ATRN: variants seen among roughly 807,000 people sequenced by gnomAD.
ATRN encodes attractin, also known as attractin-2.
A neutral mutation model predicts 178.7 loss-of-function variants in ATRN; 54 were observed. The observed-to-expected ratio is 0.30, with a 90% CI of 0.24 to 0.38. The LOEUF is 0.38. ATRN is among the 10% of genes least tolerant of loss of function. ATRN has a pLI of 1.00. For synonymous variants in ATRN, 636 were observed against 663.0 expected (o/e 0.96, Z 0.63); for missense variants, 1,443 against 1,815.1 (o/e 0.79, Z 3.73).
chr20:3,591,343 G>A (rs375945117), intron 19 of ATRN, 37 bp downstream of exon 19: 35 of 1,598,744 alleles, frequency 2.2e-5, no homozygotes, highest in Admixed American at 3.4e-5. Context: ...ATGGCAAATC[G>A]GTGTGGAACA....
rs6037646 is a variant in ATRN, at chr20:3,645,847, G to A, written c.4166-876G>A. On this transcript the variant is annotated intron_variant, in intron 28 of 28. Coordinates refer to ENST00000262919, the MANE Select transcript of ATRN (RefSeq NM_139321.3). The surrounding 1 kb of genome is among the most constrained non-coding windows in gnomAD (Gnocchi z 4.7). ...GGTCTCAGCAGAGCTCCGAGCCTGC[G>A]CTGGCCATTTCCCACGTATATTAGG... 0.018 allele frequency among the ~76,000 whole-genome samples: 2,668 copies of A among 151,770 alleles called. 89 individuals are homozygous for A. Among genetic ancestry groups the A allele is most frequent in the African/African-American group, 0.061 (2,517 of 41,306 alleles).
rs1307210850 is a variant in ATRN at position 3,489,504 on chromosome 20, A to G, written c.410+17987A>G. 8 of 1,305,372 alleles carry G rather than the reference A, an allele frequency of 6.1e-6. No individual in the cohort carries two copies. The East Asian group carries it at 1.8e-4, about 30-fold the overall frequency. 80.9% of individuals were successfully genotyped at this position (1,305,372 alleles called of 1,614,324 possible). A position where few individuals can be genotyped will look rare whatever the true frequency, so the allele number is the denominator to read the frequency against. On this transcript the variant is annotated intron_variant, in intron 1 of 28. Transcript: ENST00000262919. ...ATCTCAGGGAAGCCTGGGCTAGCCC[A>G]AAAGCTGAGCTACATCCCTGAGCAC...
At chr20:3,510,854 A>G (rs953333763) in intron 1 of ATRN, among the ~76,000 whole-genome samples, 1 of 152,236 alleles carries the variant, frequency 6.6e-6, no homozygotes, top group Non-Finnish European at 1.5e-5. Flanking sequence ...GCTGCTCATC[A>G]GAATTTCCTT....
At chr20:3,535,072 G>T (rs1034250477) in intron 1 of ATRN, among the ~76,000 whole-genome samples, 181 bp from the exon 2 acceptor site, 1 of 151,578 alleles carries the variant, frequency 6.6e-6, no homozygotes, top group Non-Finnish European at 1.5e-5. Flanking sequence ...CTAAATTTAT[G>T]CAATCTGAAT....
intron 1 of ATRN, among the ~76,000 whole-genome samples, chr20:3,532,460 A>C (rs1367471024): frequency 6.6e-6 from 1 of 152,216 alleles, no homozygotes; most frequent in Non-Finnish European, 1.5e-5. Context: ...CAGGCATAGC[A>C]CAGGCGTTGT....
intron 1 of ATRN, among the ~76,000 whole-genome samples, chr20:3,479,803 A>G (rs2084593939): frequency 6.6e-6 from 1 of 152,088 alleles, no homozygotes; most frequent in Non-Finnish European, 1.5e-5. Context: ...TGGCTTGTAG[A>G]TGCATCACTT....
intron 1 of ATRN, among the ~76,000 whole-genome samples, chr20:3,531,388 C>T (rs1482315049): frequency 1.2e-4 from 18 of 152,162 alleles, no homozygotes; most frequent in Admixed American, 1.2e-3. Flanking sequence ...AGTATACCTC[C>T]TCCTAAGATT....
At chr20:3,585,474 A>G (rs140843551) in intron 18 of ATRN, among the ~76,000 whole-genome samples, 1 of 152,218 alleles carries the variant, frequency 6.6e-6, no homozygotes, top group South Asian at 2.1e-4. Flanking sequence ...AGGAAAATGT[A>G]AACTAACACC....
At chr20:3,550,976 C>T (rs1483545707) in intron 6 of ATRN, among the ~76,000 whole-genome samples, 6 of 152,202 alleles carry the variant, frequency 3.9e-5, no homozygotes, top group African/African-American at 1.2e-4. Flanking sequence ...CATTTCTAAA[C>T]GTTCCACATT....
chr20:3,616,316 C>CT (rs1255662727), intron 24 of ATRN, among the ~76,000 whole-genome samples: 2 of 152,208 alleles, frequency 1.3e-5, no homozygotes, highest in African/African-American at 4.8e-5. Context: ...AGCCAGCAGA[C>CT]TTTCTGGCCC....
chr20:3,506,538 A>C (rs1249118873), intron 1 of ATRN, among the ~76,000 whole-genome samples: 1 of 151,878 alleles, frequency 6.6e-6, no homozygotes, highest in Admixed American at 6.6e-5. Flanking sequence ...ACAGGAGAAC[A>C]ATTTGAACCG....
At chr20:3,552,763 G>T (rs1366776883) in intron 6 of ATRN, among the ~76,000 whole-genome samples, 1 of 152,140 alleles carries the variant, frequency 6.6e-6, no homozygotes, top group African/African-American at 2.4e-5. Flanking sequence ...CCAGCTTTCT[G>T]CTGGCTATTG....
chr20:3,601,697 CA>C (rs11475145), intron 23 of ATRN, among the ~76,000 whole-genome samples: 56,999 of 85,082 alleles, frequency 0.67, 17,419 homozygotes, highest in East Asian at 0.91. Flanking sequence ...ACCCTGTCTA[CA>C]AAAAAAAAAA....
At chr20:3,577,800 G>A (rs565792664) in intron 14 of ATRN, among the ~76,000 whole-genome samples, 2 of 152,088 alleles carry the variant, frequency 1.3e-5, no homozygotes, top group African/African-American at 2.4e-5. Flanking sequence ...TTATCTAGTC[G>A]ACTGCTACAC....
At chr20:3,530,766 A>G (rs2085442499) in intron 1 of ATRN, among the ~76,000 whole-genome samples, 1 of 152,220 alleles carries the variant, frequency 6.6e-6, no homozygotes, top group East Asian at 1.9e-4. Context: ...GTACTTGACC[A>G]TAAAGAAAAT....
intron 2 of ATRN, among the ~76,000 whole-genome samples, chr20:3,535,649 G>T: frequency 6.7e-6 from 1 of 150,328 alleles, no homozygotes. Context: ...TTATTTTTAT[G>T]GGACAGAGTT....
chr20:3,647,027 TC>T lies in ATRN; in HGVS notation c.*182del. On this transcript the variant is annotated 3_prime_UTR_variant, in exon 29 of 29. Coordinates refer to ENST00000262919, the MANE Select transcript of ATRN (RefSeq NM_139321.3). Reference sequence around the variant, plus strand: ...CTTTGACGGTTTCTCCCATCCGTGTTCCAGCATCTAACCTTTTACTTTTGCA... The same window carrying T: ...CTTTGACGGTTTCTCCCATCCGTGTTCAGCATCTAACCTTTTACTTTTGCA... The T allele has an allele frequency of 1.3e-6, 1 of 785,424 alleles. No homozygotes were observed. The highest frequency in any genetic ancestry group is 1.9e-6 in the Non-Finnish European group (1 of 527,486). 48.7% of individuals were successfully genotyped at this position (785,424 alleles called of 1,614,324 possible). A position where few individuals can be genotyped will look rare whatever the true frequency, so the allele number is the denominator to read the frequency against.
At chr20:3,509,497 ATTTTTTTT>A (rs34739669) in intron 1 of ATRN, among the ~76,000 whole-genome samples, 1 of 143,792 alleles carries the variant, frequency 7.0e-6, no homozygotes, top group Non-Finnish European at 1.5e-5. Flanking sequence ...CATGTTAACA[ATTTTTTTT>A]TTTTTTTTGG....
At chr20:3,579,039 A>G (rs936863558) in intron 15 of ATRN, among the ~76,000 whole-genome samples, 3 of 152,220 alleles carry the variant, frequency 2.0e-5, no homozygotes, top group African/African-American at 7.2e-5. Flanking sequence ...ATCTGGTGAC[A>G]TCAGTAGATT....
Sources: gnomAD v4.1 joint callset for allele counts (sites outside exome capture counted in the v4.1 genomes callset) on GRCh38, gnomAD v4.1.1 for gene constraint, Gnocchi (gnomAD v3.1) non-coding constraint, MANE v1.5 for transcripts, NCBI Gene and HGNC (gene_info 2026-07-23, HGNC 2026-07-21) for gene names.